The following KAT6A variants were observed in gnomAD, a reference collection of about 807,000 sequenced individuals.
The protein encoded by KAT6A is lysine acetyltransferase 6A.
KAT6A carries 9 observed loss-of-function variants against 198.4 expected under a neutral mutation model. The ratio of observed to expected loss-of-function variants is 0.05; its 90% CI spans 0.03 to 0.08. The LOEUF is 0.08. Among genes scored for constraint, KAT6A ranks in the 10% least tolerant of loss-of-function variants. The pLI is 1.00. For synonymous variants in KAT6A, 890 were observed against 883.0 expected (o/e 1.01, Z -0.14); for missense variants, 2,077 against 2,509.9 (o/e 0.83, Z 3.69).
At position 41,932,110 on chromosome 8, in the gene KAT6A, T is replaced by A. The variant is rs1027685311; in HGVS notation, c.*95A>T. The A allele has an allele frequency of 8.6e-7, 1 of 1,166,146 alleles. No homozygotes were observed. The highest frequency in any genetic ancestry group is 1.6e-5 in the African/African-American group (1 of 63,204). The allele number at this position is 1,166,146 out of a possible 1,614,324, so 72.2% of individuals were successfully genotyped here. ...ATTCCTCTAAATCTACAGCAATATT[T>A]TAACTGGAAAAAGGTCCATTTTTCT... On this transcript the variant is annotated 3_prime_UTR_variant, in exon 17 of 17. Transcript: ENST00000265713.
At chr8:41,963,609 G>A (rs554666835) in intron 8 of KAT6A, among the ~76,000 whole-genome samples, 1 of 152,200 alleles carries the variant, frequency 6.6e-6, no homozygotes, top group Admixed American at 6.5e-5. Flanking sequence ...TTTGACTACT[G>A]TAATCATCTG....
intron 2 of KAT6A, among the ~76,000 whole-genome samples, chr8:42,003,338 G>T (rs2150903902): frequency 6.6e-6 from 1 of 152,178 alleles, no homozygotes; most frequent in Middle Eastern, 3.4e-3. Context: ...AACTTTGTGG[G>T]GCCTCTCGCT....
At chr8:41,944,614 A>G (rs1234541920) in intron 12 of KAT6A, among the ~76,000 whole-genome samples, 1 of 152,244 alleles carries the variant, frequency 6.6e-6, no homozygotes, top group Non-Finnish European at 1.5e-5. Flanking sequence ...TTTTACTGTC[A>G]TTAAAGAAAA....
In KAT6A at chr8:42,009,911, A is replaced by C. The variant is rs532977437; in HGVS notation, c.601-22348T>G. Among the ~76,000 whole-genome samples the C allele has an allele frequency of 2.3e-3, 325 of 139,132 alleles. 2 individuals are homozygous for C. Among genetic ancestry groups the C allele is most frequent in the African/African-American group, 7.8e-3 (287 of 36,860 alleles). 91.3% of individuals were successfully genotyped at this position (139,132 alleles called of 152,430 possible). On this transcript the variant is annotated intron_variant, in intron 2 of 16. Coordinates refer to ENST00000265713, the MANE Select transcript of KAT6A (RefSeq NM_006766.5). The stretch of plus-strand genomic sequence containing the variant: ...CCCTGTCTCAAAAAAAAAAAAAAAA[A>C]AAACAAAAAAAAACAAAACCACAAT...
At chr8:41,944,894 AAAC>A (rs1822300811) in intron 12 of KAT6A, among the ~76,000 whole-genome samples, 1 of 152,250 alleles carries the variant, frequency 6.6e-6, no homozygotes, top group Admixed American at 6.5e-5. Context: ...AAAATGTGTA[AAAC>A]AACCAGTAGC....
chr8:42,015,328 GGACA>G (rs1417536705), intron 2 of KAT6A, among the ~76,000 whole-genome samples: 1 of 152,174 alleles, frequency 6.6e-6, no homozygotes, highest in Non-Finnish European at 1.5e-5. Context: ...GAAGCCAAGA[GGACA>G]GACAGATAAG....
chr8:42,006,523 C>T (rs1825758183), intron 2 of KAT6A, among the ~76,000 whole-genome samples: 1 of 152,162 alleles, frequency 6.6e-6, no homozygotes, highest in African/African-American at 2.4e-5. Context: ...ATTATACTCA[C>T]TGGTTGAGCA....
At chr8:41,943,328 T>C (rs1822233291) in intron 13 of KAT6A, among the ~76,000 whole-genome samples, 1 of 152,256 alleles carries the variant, frequency 6.6e-6, no homozygotes, top group African/African-American at 2.4e-5. Context: ...TTGTGACCTT[T>C]TTCTGACCAC....
chr8:41,962,514 T>A (rs1469024471), intron 8 of KAT6A, among the ~76,000 whole-genome samples: 1 of 151,850 alleles, frequency 6.6e-6, no homozygotes, highest in African/African-American at 2.4e-5. Context: ...AGAATTCCAA[T>A]TCCACCACTA....
intron 8 of KAT6A, among the ~76,000 whole-genome samples, chr8:41,968,126 G>A: frequency 6.6e-6 from 1 of 152,112 alleles, no homozygotes; most frequent in Non-Finnish European, 1.5e-5. Context: ...TGACAAATGG[G>A]ATCTAATTAA....
chr8:41,983,469 T>A (rs1319733094), intron 3 of KAT6A, among the ~76,000 whole-genome samples: 1 of 152,256 alleles, frequency 6.6e-6, no homozygotes, highest in East Asian at 1.9e-4. Context: ...GTTTTTGTTT[T>A]ATTTTAAATT....
rs753809095 is a variant in KAT6A, at chr8:41,942,750, T to C, written c.2436+43A>G. 5 of 1,594,620 alleles carry C rather than the reference T, an allele frequency of 3.1e-6. No homozygotes were observed. In the South Asian group the frequency reaches 5.6e-5, roughly 18 times the overall value. On this transcript the variant is annotated intron_variant, in intron 14 of 16. Transcript: ENST00000265713. ...TTATAAATACTCATGAAATCAAAAATATATCTTCTGTCATCAAAAATAGAG... is the reference window on the plus strand; with the variant it reads ...TTATAAATACTCATGAAATCAAAAACATATCTTCTGTCATCAAAAATAGAG...
At position 42,015,824 on chromosome 8, in the gene KAT6A, C is replaced by G. The variant is rs143485574; in HGVS notation, c.601-28261G>C. ...CTATTCCTACTGCAATAAGCCAAAA[C>G]AGCCAAAAAATCTGACGTTCACACA... On this transcript the variant is annotated intron_variant, in intron 2 of 16. Coordinates refer to ENST00000265713, the MANE Select transcript of KAT6A (RefSeq NM_006766.5). Among the ~76,000 whole-genome samples the G allele has an allele frequency of 3.3e-5, 5 of 152,288 alleles. No individual in the cohort carries two copies. The East Asian group carries it at 7.7e-4, about 24-fold the overall frequency.
chr8:41,985,340 C>T (rs1169736731), intron 3 of KAT6A, among the ~76,000 whole-genome samples: 1 of 152,200 alleles, frequency 6.6e-6, no homozygotes, highest in East Asian at 1.9e-4. Context: ...GATCTGTTCT[C>T]ACCTTCTACT....
chr8:41,984,981 A>C (rs1246458450), intron 3 of KAT6A, among the ~76,000 whole-genome samples: 1 of 134,442 alleles, frequency 7.4e-6, no homozygotes, highest in Non-Finnish European at 1.6e-5. Flanking sequence ...AGACTGTCTC[A>C]AAAAAAAAAA....
intron 7 of KAT6A, among the ~76,000 whole-genome samples, chr8:41,975,074 T>C (rs1046091672): frequency 6.6e-6 from 1 of 152,154 alleles, no homozygotes. Context: ...CATTAAAGAT[T>C]ACATTTTAAT....
chr8:41,953,807 CCT>C (rs1406377027), intron 9 of KAT6A, among the ~76,000 whole-genome samples: 2 of 152,190 alleles, frequency 1.3e-5, no homozygotes, highest in East Asian at 3.9e-4. Flanking sequence ...ATTCAGAATT[CCT>C]GAGGAATGAG....
rs1780503136 is a variant in KAT6A, at chr8:41,933,828, C to T, written c.4392G>A (p.Glu1464=). The T allele has an allele frequency of 6.2e-6, 10 of 1,614,094 alleles. No homozygotes were observed. Among genetic ancestry groups the T allele is most frequent in the Non-Finnish European group, 8.5e-6 (10 of 1,180,006 alleles). ...CTTCAACCATGGACATCTGAGGGTC[C>T]TCGTCAGCCTGGGTGTAACTCTGCA... The part of the protein sequence containing the change: ...QTLQSYTQAD[E]DPQMSMVEDC... The change falls in exon 17 of 17, where the codon GAG becomes GAA. Residue 1464 remains glutamate (E), a synonymous_variant. Transcript: ENST00000265713. This position sits in a 1 kb window ranked among gnomAD's most constrained non-coding sequence, Gnocchi z 6.2.
At chr8:41,995,116 G>C (rs1433977630) in intron 2 of KAT6A, among the ~76,000 whole-genome samples, 1 of 152,006 alleles carries the variant, frequency 6.6e-6, no homozygotes, top group Non-Finnish European at 1.5e-5. Flanking sequence ...CACTCAATAA[G>C]TATTACTGAA....
Sources: gnomAD v4.1 joint callset for allele counts (sites outside exome capture counted in the v4.1 genomes callset) on GRCh38, gnomAD v4.1.1 for gene constraint, Gnocchi (gnomAD v3.1) non-coding constraint, MANE v1.5 for transcripts, NCBI Gene and HGNC (gene_info 2026-07-23, HGNC 2026-07-21) for gene names.